The following UBE2E2 variants were observed in gnomAD, a reference collection of about 807,000 sequenced individuals.
The protein encoded by UBE2E2 is ubiquitin conjugating enzyme E2 E2.
In UBE2E2, 6 loss-of-function variants were observed where a neutral mutation model predicts 24.7. That is an observed-to-expected ratio of 0.24 (90% CI 0.13 to 0.48). The LOEUF is 0.48. Ranked by LOEUF, UBE2E2 falls within the 20% of genes least tolerant of loss-of-function variation. The pLI, the probability that UBE2E2 is intolerant of heterozygous loss-of-function variation, is 0.99. For synonymous variants in UBE2E2, 104 were observed against 83.6 expected (o/e 1.24, Z -1.33); for missense variants, 169 against 245.0 (o/e 0.69, Z 2.07).
At chr3:23,426,070 A>G (rs78608431) in intron 3 of UBE2E2, among the ~76,000 whole-genome samples, 1 of 152,200 alleles carries the variant, frequency 6.6e-6, no homozygotes, top group East Asian at 1.9e-4. Context: ...TCAAAAAGAA[A>G]TGCCAAAGGT....
intron 3 of UBE2E2, among the ~76,000 whole-genome samples, chr3:23,415,308 A>G (rs572245633): frequency 6.6e-6 from 1 of 152,160 alleles, no homozygotes; most frequent in Non-Finnish European, 1.5e-5. Flanking sequence ...AATCCTAACT[A>G]GGTCCTTCCA....
intron 3 of UBE2E2, among the ~76,000 whole-genome samples, chr3:23,428,928 T>TAAAAAAAAAAAAA (rs34525850): frequency 1.8e-4 from 14 of 75,882 alleles, no homozygotes; most frequent in South Asian, 5.7e-4. Context: ...CTCTGTCTCT[T>TAAAAAAAAAAAAA]AAAAAAAAAA....
chr3:23,505,088 TTG>T (rs1428607179), intron 4 of UBE2E2, among the ~76,000 whole-genome samples: 2 of 118,122 alleles, frequency 1.7e-5, no homozygotes, highest in Non-Finnish European at 3.6e-5. Flanking sequence ...GTTTTTTTTT[TTG>T]TTTTTTTTTT....
intron 3 of UBE2E2, among the ~76,000 whole-genome samples, chr3:23,220,373 T>G (rs1357763640): frequency 5.3e-5 from 8 of 152,338 alleles, no homozygotes; most frequent in African/African-American, 1.9e-4. Flanking sequence ...ATGTCATCCT[T>G]TTTAAAAACA....
At chr3:23,386,375 A>C (rs1453819355) in intron 3 of UBE2E2, among the ~76,000 whole-genome samples, 6 of 152,142 alleles carry the variant, frequency 3.9e-5, no homozygotes, top group Non-Finnish European at 8.8e-5. Flanking sequence ...TACCTCCCAA[A>C]GGCCCCACCT....
intron 3 of UBE2E2, among the ~76,000 whole-genome samples, chr3:23,430,515 G>T (rs9852053): frequency 1.3e-5 from 2 of 150,790 alleles, no homozygotes; most frequent in Admixed American, 6.6e-5. Flanking sequence ...GTTGTGTGGC[G>T]TTTTTTTTGT....
intron 5 of UBE2E2, among the ~76,000 whole-genome samples, chr3:23,587,135 G>A (rs1481432147): frequency 2.6e-5 from 4 of 152,064 alleles, no homozygotes; most frequent in Admixed American, 6.5e-5. Flanking sequence ...ATTTGAAAAC[G>A]TAAAAGAACC....
chr3:23,571,321 G>A (rs530595223), intron 5 of UBE2E2, among the ~76,000 whole-genome samples: 7 of 19,548 alleles, frequency 3.6e-4, no homozygotes, highest in Admixed American at 2.6e-3. Context: ...ACAGAGTCTC[G>A]CTCTGTCAGA....
intron 5 of UBE2E2, among the ~76,000 whole-genome samples, chr3:23,577,989 C>T (rs565439840): frequency 2.1e-5 from 3 of 145,024 alleles, no homozygotes; most frequent in South Asian, 2.2e-4. Context: ...TTTAAGCCCA[C>T]GGTTGAGACC....
chr3:23,221,549 C>A (rs761464720), intron 3 of UBE2E2, among the ~76,000 whole-genome samples: 2 of 152,204 alleles, frequency 1.3e-5, no homozygotes, highest in East Asian at 3.9e-4. Flanking sequence ...TAAATGAAAT[C>A]TTGTGTGCTT....
intron 5 of UBE2E2, among the ~76,000 whole-genome samples, chr3:23,538,673 A>G (rs1025371341): frequency 1.2e-4 from 19 of 152,166 alleles, no homozygotes; most frequent in African/African-American, 4.3e-4. Flanking sequence ...TTGAAGGCTT[A>G]TTAAGATGGA....
At chr3:23,496,239 A>T (rs1181065895) in intron 3 of UBE2E2, among the ~76,000 whole-genome samples, 2 of 152,150 alleles carry the variant, frequency 1.3e-5, no homozygotes, top group African/African-American at 4.8e-5. Context: ...GACCTTTGAC[A>T]TAATTTTTCT....
chr3:23,503,177 G>GGTTTTTGTTTTT lies in UBE2E2; in HGVS notation c.360+3456_360+3467dup, dbSNP rs149646508. 1.6e-3 allele frequency among the ~76,000 whole-genome samples: 243 copies of GGTTTTTGTTTTT among 149,642 alleles called. 1 individual carries two copies. The highest frequency in any genetic ancestry group is 0.013 in the East Asian group (65 of 5,086). On this transcript the variant is annotated intron_variant, in intron 4 of 5. Transcript: ENST00000396703. ...TTTTTTTTTTGTCATTTGGTTGGTTGGTTTTTGTTTTTGTTTTTGTTTTTG... is the reference window on the plus strand; with the variant it reads ...TTTTTTTTTTGTCATTTGGTTGGTTGGTTTTTGTTTTTGTTTTTGTTTTTGTTTTTGTTTTTG...
At chr3:23,342,220 TGTTGCCCAGGCTGGA>T (rs1175754228) in intron 3 of UBE2E2, among the ~76,000 whole-genome samples, 3 of 151,974 alleles carry the variant, frequency 2.0e-5, no homozygotes, top group Non-Finnish European at 4.4e-5. Context: ...GGTCTTGTTT[TGTTGCCCAGGCTGGA>T]GTGCAGTGGC....
chr3:23,410,407 ATACTCTCATGTGT>A (rs1697468555), intron 3 of UBE2E2, among the ~76,000 whole-genome samples: 1 of 152,154 alleles, frequency 6.6e-6, no homozygotes, highest in Non-Finnish European at 1.5e-5. Flanking sequence ...CTTAGAGCAC[ATACTCTCATGTGT>A]TGAGAGTAAA....
At chr3:23,455,810 T>C (rs1418792724) in intron 3 of UBE2E2, among the ~76,000 whole-genome samples, 2 of 152,220 alleles carry the variant, frequency 1.3e-5, no homozygotes, top group Non-Finnish European at 2.9e-5. Context: ...GGCTGCTCAC[T>C]GATCAAGGTG....
chr3:23,429,714 G>T (rs1698010612), intron 3 of UBE2E2, among the ~76,000 whole-genome samples: 1 of 152,072 alleles, frequency 6.6e-6, no homozygotes, highest in Non-Finnish European at 1.5e-5. Context: ...TATACTAATT[G>T]GAAAGGAAGA....
At chr3:23,271,663 A>G (rs979759756) in intron 3 of UBE2E2, among the ~76,000 whole-genome samples, 2 of 152,204 alleles carry the variant, frequency 1.3e-5, no homozygotes, top group African/African-American at 4.8e-5. Context: ...TGGTGTATTT[A>G]CAATCCTCTA....
intron 3 of UBE2E2, among the ~76,000 whole-genome samples, chr3:23,369,261 G>T (rs546193190): frequency 2.6e-5 from 4 of 152,096 alleles, no homozygotes; most frequent in African/African-American, 7.2e-5. Context: ...GTGGTCCCAG[G>T]AATAATGGCA....
Sources: gnomAD v4.1 joint callset for allele counts (sites outside exome capture counted in the v4.1 genomes callset) on GRCh38, gnomAD v4.1.1 for gene constraint, MANE v1.5 for transcripts, NCBI Gene and HGNC (gene_info 2026-07-23, HGNC 2026-07-21) for gene names.